NSRP1: variants seen among roughly 807,000 people sequenced by gnomAD.
NSRP1 encodes nuclear speckle splicing regulatory protein 1.
NSRP1 carries 24 observed loss-of-function variants against 54.7 expected under a neutral mutation model. That is an observed-to-expected ratio of 0.44 (90% confidence interval 0.32 to 0.62). NSRP1 has a LOEUF of 0.62. NSRP1 is among the 20% of genes least tolerant of loss of function. The pLI is 0.06. For missense variants in NSRP1, 596 were observed against 651.2 expected, an observed-to-expected ratio of 0.92 and a Z score of 0.92; for synonymous variants, 210 against 213.8, an observed-to-expected ratio of 0.98 and a Z score of 0.15.
chr17:30,183,231 ATTT>A (rs1555584078), intron 6 of NSRP1, among the ~76,000 whole-genome samples: 2 of 150,858 alleles, frequency 1.3e-5, no homozygotes, highest in East Asian at 3.9e-4. Context: ...AAAAAAAAAA[ATTT>A]TTTTTAACAG....
At chr17:30,149,181 G>T (rs939459979) in intron 2 of NSRP1, among the ~76,000 whole-genome samples, 2 of 152,068 alleles carry the variant, frequency 1.3e-5, no homozygotes, top group African/African-American at 2.4e-5. Context: ...TTTTCTCAAG[G>T]ATATTTTTAT....
At chr17:30,138,467 A>G (rs1402799139) in intron 2 of NSRP1, among the ~76,000 whole-genome samples, 2 of 152,178 alleles carry the variant, frequency 1.3e-5, no homozygotes, top group African/African-American at 4.8e-5. Context: ...GTTCTCCCAT[A>G]TACTTTCAAT....
chr17:30,172,361 G>A (rs1904981929), intron 2 of NSRP1, among the ~76,000 whole-genome samples, 181 bp from the exon 3 acceptor site: 1 of 152,180 alleles, frequency 6.6e-6, no homozygotes, highest in South Asian at 2.1e-4. Context: ...AAGCTCAAAT[G>A]AAATGCTCAT....
chr17:30,181,919 A>G (rs1383780266), intron 6 of NSRP1, among the ~76,000 whole-genome samples: 1 of 150,310 alleles, frequency 6.7e-6, no homozygotes, highest in African/African-American at 2.5e-5. Context: ...CTCTTTTTGT[A>G]TTTTTGTTGT....
chr17:30,135,412 A>G (rs2071740633), intron 2 of NSRP1, among the ~76,000 whole-genome samples: 1 of 151,976 alleles, frequency 6.6e-6, no homozygotes, highest in Non-Finnish European at 1.5e-5. Flanking sequence ...GGTGTGAGCC[A>G]CCATGCCTGG....
intron 1 of NSRP1, 147 bp from the exon 2 acceptor site, chr17:30,117,933 C>T: frequency 1.7e-6 from 1 of 594,380 alleles, no homozygotes; most frequent in Non-Finnish European, 2.9e-6. Context: ...ATTTTGAGAT[C>T]ACTGAGAAGC....
At chr17:30,134,370 A>G (rs1230515551) in intron 2 of NSRP1, among the ~76,000 whole-genome samples, 2 of 152,368 alleles carry the variant, frequency 1.3e-5, no homozygotes, top group East Asian at 1.9e-4. Context: ...AAGTGAACAC[A>G]TGCTGTTGGA....
intron 2 of NSRP1, among the ~76,000 whole-genome samples, chr17:30,140,022 T>C (rs2071789048): frequency 6.6e-6 from 1 of 151,940 alleles, no homozygotes; most frequent in African/African-American, 2.4e-5. Context: ...AGACTCCGTC[T>C]CAAAAAAAAA....
chr17:30,140,018 C>T (rs1389792568), intron 2 of NSRP1, among the ~76,000 whole-genome samples: 8 of 151,732 alleles, frequency 5.3e-5, no homozygotes, highest in East Asian at 3.9e-4. Flanking sequence ...AGTGAGACTC[C>T]GTCTCAAAAA....
chr17:30,172,624 C>A, intron 3 of NSRP1, 26 bp downstream of exon 3: 1 of 1,582,304 alleles, frequency 6.3e-7, no homozygotes, highest in Non-Finnish European at 8.6e-7. Flanking sequence ...GGGATAAGTG[C>A]ATTCAGTGAA....
chr17:30,173,412 C>T (rs991675012), intron 3 of NSRP1, among the ~76,000 whole-genome samples: 2 of 152,158 alleles, frequency 1.3e-5, no homozygotes, highest in Non-Finnish European at 2.9e-5. Flanking sequence ...TATTAATTAT[C>T]GAACTAGGCC....
intron 2 of NSRP1, among the ~76,000 whole-genome samples, chr17:30,162,114 TC>T (rs1347385042): frequency 6.6e-6 from 1 of 151,132 alleles, no homozygotes; most frequent in Non-Finnish European, 1.5e-5. Flanking sequence ...CTCCTCCATC[TC>T]CCAGGTTCAG....
chr17:30,173,243 C>T (rs552191885), intron 3 of NSRP1, among the ~76,000 whole-genome samples: 2 of 152,290 alleles, frequency 1.3e-5, no homozygotes, highest in Non-Finnish European at 2.9e-5. Context: ...GGATTACAGG[C>T]GTGAGCCACC....
chr17:30,181,609 T>TTG (rs994807860), intron 6 of NSRP1, among the ~76,000 whole-genome samples: 10 of 148,096 alleles, frequency 6.8e-5, no homozygotes, highest in Non-Finnish European at 1.2e-4. Flanking sequence ...TTTTTTTTTT[T>TTG]GTTTTTTTTT....
intron 2 of NSRP1, among the ~76,000 whole-genome samples, chr17:30,165,689 A>G (rs530122956): frequency 1.3e-5 from 2 of 152,332 alleles, no homozygotes; most frequent in Admixed American, 6.5e-5. Context: ...TAAAGCCACT[A>G]TCAGTTCTAG....
chr17:30,167,093 T>A lies in NSRP1; in HGVS notation c.115-5449T>A, dbSNP rs1257313730. ...ACCTTTTCACTCTACCTCCATGTGA[T>A]CAAAGTTTTTATTTTAGCTCCCACA... On this transcript the variant is annotated intron_variant, in intron 2 of 6. Transcript: ENST00000247026. 2.0e-5 allele frequency among the ~76,000 whole-genome samples: 3 copies of A among 152,316 alleles called. No individual in the cohort carries two copies. In the East Asian group the frequency reaches 5.8e-4, roughly 29 times the overall value.
intron 2 of NSRP1, among the ~76,000 whole-genome samples, chr17:30,151,194 CATTTTTTAG>C (rs887221622): frequency 4.6e-5 from 7 of 152,012 alleles, no homozygotes; most frequent in Admixed American, 4.6e-4. Flanking sequence ...CTCCTTTGTC[CATTTTTTAG>C]TTTGTCTTTT....
chr17:30,182,927 C>CT (rs965259729), intron 6 of NSRP1, among the ~76,000 whole-genome samples: 83 of 152,140 alleles, frequency 5.5e-4, no homozygotes, highest in African/African-American at 1.9e-3. Flanking sequence ...GTGCAAGACT[C>CT]TGTCTCAAAA....
chr17:30,171,580 T>A (rs1160327775), intron 2 of NSRP1, among the ~76,000 whole-genome samples: 1 of 152,148 alleles, frequency 6.6e-6, no homozygotes, highest in African/African-American at 2.4e-5. Flanking sequence ...GTGCTGGGAT[T>A]ACAGGCATGA....
Sources: gnomAD v4.1 joint callset for allele counts (sites outside exome capture counted in the v4.1 genomes callset) on GRCh38, gnomAD v4.1.1 for gene constraint, MANE v1.5 for transcripts, NCBI Gene and HGNC (gene_info 2026-07-23, HGNC 2026-07-21) for gene names.